Variants in SPINK5 observed in about 807,000 individuals in gnomAD.
SPINK5 encodes the protein serine peptidase inhibitor Kazal type 5, also known as serine protease inhibitor Kazal-type 5.
Under a neutral mutation model 151.8 loss-of-function variants are expected in SPINK5, and 125 were observed. The ratio of observed to expected loss-of-function variants is 0.82; its 90% CI spans 0.71 to 0.96. The LOEUF is 0.96. SPINK5 is among the 40% of genes least tolerant of loss of function. The probability of loss-of-function intolerance (pLI) is 0.00; values close to 1 mark genes in which losing one functional copy is unlikely to be tolerated. For synonymous variants in SPINK5, 374 were observed against 395.3 expected (o/e 0.95, Z 0.64); for missense variants, 1,194 against 1,291.9 (o/e 0.92, Z 1.16).
chr5:148,123,384 T>TTATATATA (rs72219001), intron 26 of SPINK5, among the ~76,000 whole-genome samples: 6 of 129,748 alleles, frequency 4.6e-5, no homozygotes, highest in African/African-American at 1.7e-4. Context: ...CATAACAAGA[T>TTATATATA]TATATATATA....
intron 29 of SPINK5, 36 bp downstream of exon 29, chr5:148,125,886 A>AG (rs761943924): frequency 7.4e-6 from 12 of 1,613,986 alleles, no homozygotes; most frequent in Non-Finnish European, 1.0e-5. Flanking sequence ...TGTAGCTAGC[A>AG]GGGGAACTGC....
intron 30 of SPINK5, among the ~76,000 whole-genome samples, chr5:148,129,114 T>C (rs1275432126): frequency 6.6e-6 from 1 of 151,804 alleles, no homozygotes; most frequent in Non-Finnish European, 1.5e-5. Flanking sequence ...GAGGAGAACA[T>C]ATTCCAGAGA....
chr5:148,066,358 G>A (rs1752585636), intron 2 of SPINK5, among the ~76,000 whole-genome samples: 1 of 152,008 alleles, frequency 6.6e-6, no homozygotes, highest in Non-Finnish European at 1.5e-5. Flanking sequence ...TATTAATTCA[G>A]CACTTAAAGC....
At chr5:148,075,602 C>T (rs552030209) in intron 4 of SPINK5, among the ~76,000 whole-genome samples, 136 of 151,822 alleles carry the variant, frequency 9.0e-4, no homozygotes, top group African/African-American at 3.0e-3. Flanking sequence ...ATCAGGTGGT[C>T]AGCAGATCCT....
intron 4 of SPINK5, 53 bp downstream of exon 4, chr5:148,072,273 T>C (rs1232494274): frequency 1.3e-6 from 2 of 1,557,980 alleles, no homozygotes; most frequent in Admixed American, 1.7e-5. Flanking sequence ...TTTGACTCTA[T>C]TTAGAGCTAT....
At chr5:148,090,463 G>T (rs1753279681) in intron 7 of SPINK5, among the ~76,000 whole-genome samples, 1 of 151,392 alleles carries the variant, frequency 6.6e-6, no homozygotes, top group Non-Finnish European at 1.5e-5. Context: ...TTCTCTCAAT[G>T]TTCAAATCTG....
chr5:148,115,773 G>A (rs1396379690), intron 21 of SPINK5, among the ~76,000 whole-genome samples: 21 of 151,938 alleles, frequency 1.4e-4, no homozygotes, highest in Admixed American at 1.3e-3. Flanking sequence ...AAACACAGCT[G>A]GAGATCCCCA....
At chr5:148,136,440 T>G (rs943574869) in intron 32 of SPINK5, among the ~76,000 whole-genome samples, 1 of 152,104 alleles carries the variant, frequency 6.6e-6, no homozygotes, top group African/African-American at 2.4e-5. Flanking sequence ...TGTGCAGTTA[T>G]GTGAAAGAAA....
intron 30 of SPINK5, among the ~76,000 whole-genome samples, chr5:148,128,607 C>T (rs1754493745): frequency 6.6e-6 from 1 of 152,150 alleles, no homozygotes; most frequent in South Asian, 2.1e-4. Flanking sequence ...CGGCTCACTG[C>T]AAGCTCCGCC....
chr5:148,089,303 AAAC>A (rs1334346398), intron 6 of SPINK5, 188 bp from the exon 7 acceptor site: 1 of 729,104 alleles, frequency 1.4e-6, no homozygotes, highest in Middle Eastern at 2.3e-4. Flanking sequence ...ATAAATGAAT[AAAC>A]AAGTAAAAAA....
intron 4 of SPINK5, among the ~76,000 whole-genome samples, chr5:148,081,387 T>C (rs1237775270): frequency 2.6e-5 from 4 of 151,726 alleles, no homozygotes; most frequent in South Asian, 2.1e-4. Flanking sequence ...CACTGGTGAA[T>C]TGATAAACAA....
chr5:148,077,988 G>A (rs1036631879), intron 4 of SPINK5, among the ~76,000 whole-genome samples: 4 of 150,852 alleles, frequency 2.7e-5, no homozygotes, highest in Non-Finnish European at 4.5e-5. Flanking sequence ...AACATAAATG[G>A]TTTAAACATC....
At chr5:148,118,666 T>C in intron 23 of SPINK5, 102 bp downstream of exon 23, 1 of 1,489,088 alleles carries the variant, frequency 6.7e-7, no homozygotes, top group Non-Finnish European at 9.2e-7. Flanking sequence ...CAAATTATTC[T>C]TTTTGCTAAT....
At chr5:148,127,300 A>G (rs1258728686) in intron 30 of SPINK5, among the ~76,000 whole-genome samples, 1 of 152,096 alleles carries the variant, frequency 6.6e-6, no homozygotes, top group Non-Finnish European at 1.5e-5. Flanking sequence ...CCCTGCTTCA[A>G]TTTAGTACAT....
intron 1 of SPINK5, among the ~76,000 whole-genome samples, 166 bp from the exon 2 acceptor site, chr5:148,065,181 C>T (rs912140790): frequency 6.6e-6 from 1 of 151,968 alleles, no homozygotes; most frequent in Non-Finnish European, 1.5e-5. Flanking sequence ...GGTCCAGTGC[C>T]CTTCTTTTAT....
chr5:148,072,529 G>A (rs76456417), intron 4 of SPINK5, among the ~76,000 whole-genome samples: 5,151 of 152,022 alleles, frequency 0.034, 149 homozygotes, highest in East Asian at 0.13. Flanking sequence ...GCCCAAAGAA[G>A]AGCTTTCCTG....
intron 15 of SPINK5, among the ~76,000 whole-genome samples, chr5:148,102,213 A>T (rs1753666294): frequency 6.6e-6 from 1 of 152,036 alleles, no homozygotes; most frequent in Non-Finnish European, 1.5e-5. Context: ...CTTACAAGAG[A>T]ATGGGAGTAG....
intron 26 of SPINK5, among the ~76,000 whole-genome samples, chr5:148,122,511 C>G (rs1336782642): frequency 6.6e-6 from 1 of 152,116 alleles, no homozygotes; most frequent in Non-Finnish European, 1.5e-5. Flanking sequence ...CAGGAAGTTC[C>G]AGAGACTTCT....
In SPINK5 at chr5:148,123,952, G is replaced by C. The variant is rs1379654866; in HGVS notation, c.2658G>C (p.Gln886His). Reference sequence around the variant, plus strand: ...ACATCAATAAATGTGCTATGTGTCAGAGCATCTTGTACGTAAAAAGGTTTA... The same window carrying C: ...ACATCAATAAATGTGCTATGTGTCACAGCATCTTGTACGTAAAAAGGTTTA... ...KMHINKCAMCQSIFDREANER... is the reference protein window; with the variant it reads ...KMHINKCAMCHSIFDREANER... Residue 886 changes from glutamine to histidine, a missense_variant, in exon 27 of 33, where the codon CAG becomes CAC. By Grantham distance (24) the Gln-to-His change is conservative. Coordinates refer to ENST00000256084, the MANE Select transcript of SPINK5 (RefSeq NM_006846.4). The C allele has an allele frequency of 1.9e-6, 3 of 1,613,860 alleles. No individual in the cohort carries two copies. Among genetic ancestry groups the C allele is most frequent in the East Asian group, 2.2e-5 (1 of 44,870 alleles).
Sources: allele counts gnomAD v4.1 joint callset (sites outside exome capture counted in the v4.1 genomes callset), GRCh38; gene constraint gnomAD v4.1.1; transcripts MANE v1.5; gene names NCBI Gene and HGNC (gene_info 2026-07-23, HGNC 2026-07-21).